UBE2D3: variants seen among roughly 807,000 people sequenced by gnomAD.
UBE2D3 encodes ubiquitin conjugating enzyme E2 D3.
UBE2D3 carries 2 observed loss-of-function variants against 22.8 expected under a neutral mutation model. The ratio of observed to expected loss-of-function variants is 0.09; its 90% CI spans 0.04 to 0.28. The LOEUF is 0.28. Ranked by LOEUF, UBE2D3 falls within the 10% of genes least tolerant of loss-of-function variation. The pLI is 1.00. For missense variants in UBE2D3, 27 were observed against 182.5 expected, an observed-to-expected ratio of 0.15 and a Z score of 4.91; for synonymous variants, 56 against 60.4, an observed-to-expected ratio of 0.93 and a Z score of 0.34.
At chr4:102,807,971 T>C (rs1472723885) in intron 4 of UBE2D3, among the ~76,000 whole-genome samples, 2 of 152,242 alleles carry the variant, frequency 1.3e-5, no homozygotes, top group African/African-American at 4.8e-5. Context: ...CCAACGCTTC[T>C]GTGCTTTCTT....
At chr4:102,844,020 T>A (rs1351164079) in intron 1 of UBE2D3, 1 of 152,188 alleles carries the variant, frequency 6.6e-6, no homozygotes, top group Non-Finnish European at 1.5e-5. Context: ...GGTATTAATT[T>A]CTTCCGAAGA....
At chr4:102,824,956 T>A (rs1730224335) in intron 2 of UBE2D3, among the ~76,000 whole-genome samples, 1 of 152,166 alleles carries the variant, frequency 6.6e-6, no homozygotes, top group South Asian at 2.1e-4. Flanking sequence ...TCCTCTTTTC[T>A]TTCATTTCAC....
intron 4 of UBE2D3, among the ~76,000 whole-genome samples, chr4:102,803,199 A>C (rs138898368): frequency 1.1e-4 from 17 of 152,342 alleles, no homozygotes; most frequent in African/African-American, 4.1e-4. Flanking sequence ...GGCTTAAAGA[A>C]CTTAGTCTAG....
intron 7 of UBE2D3, 119 bp from the exon 8 acceptor site, chr4:102,797,579 T>TTC: frequency 1.4e-6 from 1 of 691,470 alleles, no homozygotes; most frequent in Non-Finnish European, 2.2e-6. Context: ...CTCTAATGAC[T>TTC]ATGATTAGAA....
At chr4:102,804,847 T>G (rs1157496553) in intron 4 of UBE2D3, among the ~76,000 whole-genome samples, 1 of 152,090 alleles carries the variant, frequency 6.6e-6, no homozygotes, top group East Asian at 1.9e-4. Context: ...GCTAATTTTT[T>G]TTGTCTTTTT....
intron 1 of UBE2D3, among the ~76,000 whole-genome samples, chr4:102,844,708 A>G (rs1301010818): frequency 6.6e-6 from 1 of 152,142 alleles, no homozygotes; most frequent in Non-Finnish European, 1.5e-5. Context: ...GTACAAGTTA[A>G]GAGACAGTGC....
intron 1 of UBE2D3, among the ~76,000 whole-genome samples, chr4:102,845,021 C>CAA (rs386401015): frequency 6.4e-5 from 6 of 93,628 alleles, no homozygotes; most frequent in African/African-American, 2.1e-4. Context: ...GACTCCATCT[C>CAA]AAAAAAAAAA....
chr4:102,857,811 A>G (rs571402046), intron 1 of UBE2D3, among the ~76,000 whole-genome samples: 16 of 152,256 alleles, frequency 1.1e-4, no homozygotes, highest in South Asian at 2.1e-4. Flanking sequence ...CTTCTGCCTC[A>G]GCCTCCTGAG....
intron 1 of UBE2D3, among the ~76,000 whole-genome samples, chr4:102,856,105 C>T (rs1322120505): frequency 6.6e-6 from 1 of 152,222 alleles, no homozygotes; most frequent in African/African-American, 2.4e-5. Context: ...GTGGCTCATG[C>T]CTGTACTCCC....
At position 102,853,140 on chromosome 4, in the gene UBE2D3, T is replaced by C. The variant is rs1242718761; in HGVS notation, c.-129+15575A>G. ...AATTACACACAAACACACACATTTTTTTTTTTTTTTTTTTTTTTTTGAGAC... is the reference window on the plus strand; with the variant it reads ...AATTACACACAAACACACACATTTTCTTTTTTTTTTTTTTTTTTTTGAGAC... On this transcript the variant is annotated intron_variant, in intron 1 of 7. Coordinates refer to the UBE2D3 transcript ENST00000338145. Among the ~76,000 whole-genome samples, 19 of 110,876 alleles carry C rather than the reference T, an allele frequency of 1.7e-4. 1 individual carries two copies. The highest frequency in any genetic ancestry group is 2.4e-4 in the Non-Finnish European group (13 of 55,260). The allele number at this position is 110,876 out of a possible 152,430, so 72.7% of individuals were successfully genotyped here.
intron 1 of UBE2D3, among the ~76,000 whole-genome samples, chr4:102,848,150 G>C (rs1304451153): frequency 6.6e-6 from 1 of 152,068 alleles, no homozygotes; most frequent in Non-Finnish European, 1.5e-5. Context: ...TAATTACTAT[G>C]GTTATCATGG....
rs3830694 is a variant in UBE2D3, at chr4:102,794,652, C to CAACA, written c.*2759_*2762dup. On this transcript the variant is annotated 3_prime_UTR_variant, in exon 8 of 8. Coordinates refer to ENST00000453744, the MANE Select transcript of UBE2D3 (RefSeq NM_181891.3). ...TAAGTATACTTCAACTAAGCCATTT[C>CAACA]AACAAACAAAAAAAAACAAACAAAA... The CAACA allele has an allele frequency of 0.57, 84,156 of 148,904 alleles. 24,654 individuals are homozygous for CAACA. The highest frequency in any genetic ancestry group is 0.75 in the African/African-American group (30,288 of 40,246). The allele number at this position is 148,904 out of a possible 1,614,324, so 9.2% of individuals were successfully genotyped here. A position where few individuals can be genotyped will look rare whatever the true frequency, so the allele number is the denominator to read the frequency against.
rs1451195887 is a variant in UBE2D3 at position 102,802,612 on chromosome 4, T to C, written c.147A>G (p.Val49=). ...TAGGAAAATGAATTGTCAAAAAGAATACACCGCCTTGATATGGGCTGTCAT... is the reference window on the plus strand; with the variant it reads ...TAGGAAAATGAATTGTCAAAAAGAACACACCGCCTTGATATGGGCTGTCAT... ...GPNDSPYQGG[V]FFLTIHFPTD... The change falls in exon 5 of 8, where the codon GTA becomes GTG. Residue 49 remains valine, a synonymous_variant. Transcript: ENST00000453744. The C allele has an allele frequency of 6.2e-7, 1 of 1,605,196 alleles. No individual in the cohort carries two copies. The highest frequency in any genetic ancestry group is 8.5e-7 in the Non-Finnish European group (1 of 1,174,750).
chr4:102,818,226 G>A (rs187109252), intron 2 of UBE2D3, among the ~76,000 whole-genome samples: 1 of 152,140 alleles, frequency 6.6e-6, no homozygotes, highest in Admixed American at 6.5e-5. Context: ...TACAATCAGG[G>A]TACAACACTA....
chr4:102,852,404 TCG>T (rs1284325024), intron 1 of UBE2D3, among the ~76,000 whole-genome samples: 2 of 152,218 alleles, frequency 1.3e-5, no homozygotes, highest in African/African-American at 2.4e-5. Flanking sequence ...TCACATTCCC[TCG>T]TATATATATG....
At chr4:102,836,505 A>G (rs539986273) in intron 1 of UBE2D3, among the ~76,000 whole-genome samples, 1 of 152,280 alleles carries the variant, frequency 6.6e-6, no homozygotes, top group East Asian at 1.9e-4. Context: ...TACAGTGTTT[A>G]TATGGACATA....
chr4:102,802,735 A>G, intron 4 of UBE2D3, 97 bp from the exon 5 acceptor site: 4 of 908,970 alleles, frequency 4.4e-6, no homozygotes, highest in Non-Finnish European at 6.5e-6. Flanking sequence ...AATGAACCCA[A>G]ATCACCTATT....
chr4:102,809,753 A>C lies in UBE2D3; in HGVS notation c.88+39T>G, dbSNP rs771025565. 3.2e-5 allele frequency: 51 copies of C among 1,613,314 alleles called. No homozygotes were observed. The South Asian group carries it at 4.2e-4, about 13-fold the overall frequency. On this transcript the variant is annotated intron_variant, in intron 3 of 7. Coordinates refer to ENST00000453744, the MANE Select transcript of UBE2D3 (RefSeq NM_181891.3). ...TTATCTAAAAATGCACAAGCTTAAA[A>C]AAAAATTAGGCATAAAAATCAACTT...
chr4:102,819,129 A>G (rs1267942249), intron 2 of UBE2D3, among the ~76,000 whole-genome samples: 2 of 152,110 alleles, frequency 1.3e-5, no homozygotes, highest in East Asian at 1.9e-4. Context: ...TCAGGAATTC[A>G]AGACCAGCCT....
Sources: allele counts gnomAD v4.1 joint callset (sites outside exome capture counted in the v4.1 genomes callset), GRCh38; gene constraint gnomAD v4.1.1; transcripts MANE v1.5; gene names NCBI Gene and HGNC (gene_info 2026-07-23, HGNC 2026-07-21).